The following VPS13B variants were observed in gnomAD, a reference collection of about 807,000 sequenced individuals.
The protein encoded by VPS13B is intermembrane lipid transfer protein VPS13B.
VPS13B carries 285 observed loss-of-function variants against 426.4 expected under a neutral mutation model. The ratio of observed to expected loss-of-function variants is 0.67; its 90% CI spans 0.61 to 0.74. VPS13B has a LOEUF of 0.74. Ranked by LOEUF, VPS13B falls within the 30% of genes least tolerant of loss-of-function variation. The pLI is 0.00. For missense variants in VPS13B, 4,537 were observed against 4,782.6 expected (o/e 0.95, Z 1.51); for synonymous variants, 1,676 against 1,676.4 (o/e 1.00, Z 0.01).
At chr8:99,515,329 A>G (rs2133648860) in intron 29 of VPS13B, among the ~76,000 whole-genome samples, 1 of 152,190 alleles carries the variant, frequency 6.6e-6, no homozygotes, top group South Asian at 2.1e-4. Flanking sequence ...AATTGCAGAA[A>G]TATTTCCAGA....
At chr8:99,715,760 T>C (rs1222436958) in intron 36 of VPS13B, among the ~76,000 whole-genome samples, 2 of 152,212 alleles carry the variant, frequency 1.3e-5, no homozygotes, top group Non-Finnish European at 2.9e-5. Context: ...ATAATTGTAC[T>C]GAATTAAGGC....
chr8:99,496,762 T>C (rs1423697943), intron 25 of VPS13B, among the ~76,000 whole-genome samples: 1 of 152,144 alleles, frequency 6.6e-6, no homozygotes, highest in East Asian at 1.9e-4. Context: ...ACAGGATACT[T>C]TCATAACCTG....
intron 31 of VPS13B, among the ~76,000 whole-genome samples, chr8:99,570,800 GT>G (rs1449113013): frequency 2.6e-5 from 4 of 151,960 alleles, no homozygotes; most frequent in African/African-American, 9.7e-5. Flanking sequence ...TTGAGGACAT[GT>G]TTTCTAGAGA....
intron 33 of VPS13B, among the ~76,000 whole-genome samples, chr8:99,641,286 A>G (rs1225364681): frequency 6.6e-6 from 1 of 152,176 alleles, no homozygotes; most frequent in African/African-American, 2.4e-5. Context: ...ATTTTAGTGT[A>G]CTTTTCTTTG....
chr8:99,226,562 T>C (rs1462640423), intron 17 of VPS13B, among the ~76,000 whole-genome samples: 2 of 152,198 alleles, frequency 1.3e-5, no homozygotes, highest in African/African-American at 4.8e-5. Flanking sequence ...TAAGTTATTT[T>C]CCTGCAAAAA....
At chr8:99,090,184 T>A (rs750519546) in intron 3 of VPS13B, among the ~76,000 whole-genome samples, 1 of 152,176 alleles carries the variant, frequency 6.6e-6, no homozygotes, top group Non-Finnish European at 1.5e-5. Context: ...TCCACTTTTC[T>A]TAAGAGAAGC....
At chr8:99,791,930 T>C (rs1191919165) in intron 43 of VPS13B, among the ~76,000 whole-genome samples, 2 of 152,012 alleles carry the variant, frequency 1.3e-5, no homozygotes, top group Admixed American at 1.3e-4. Flanking sequence ...AGCCTAGGCA[T>C]CCTAGGCTGC....
intron 19 of VPS13B, among the ~76,000 whole-genome samples, chr8:99,276,551 C>A (rs1366418561): frequency 6.6e-6 from 1 of 152,012 alleles, no homozygotes; most frequent in African/African-American, 2.4e-5. Flanking sequence ...GCTGTTTTAG[C>A]ACAAAAATAG....
intron 40 of VPS13B, among the ~76,000 whole-genome samples, chr8:99,771,572 A>C (rs1811492171): frequency 6.6e-6 from 1 of 152,228 alleles, no homozygotes; most frequent in Non-Finnish European, 1.5e-5. Context: ...GTGAATGTGA[A>C]GAAGAACTCC....
At chr8:99,178,333 A>C (rs921424673) in intron 16 of VPS13B, among the ~76,000 whole-genome samples, 9 of 139,068 alleles carry the variant, frequency 6.5e-5, no homozygotes, top group Non-Finnish European at 1.4e-4. Context: ...AGAACAAATA[A>C]TCATTGGCGG....
chr8:99,808,575 A>G (rs1202298334), intron 43 of VPS13B, among the ~76,000 whole-genome samples: 1 of 151,314 alleles, frequency 6.6e-6, no homozygotes, highest in Non-Finnish European at 1.5e-5. Flanking sequence ...CGTTGTTTTC[A>G]TTTAAACCTG....
intron 29 of VPS13B, among the ~76,000 whole-genome samples, chr8:99,516,665 G>A (rs1328690191): frequency 1.3e-5 from 2 of 151,640 alleles, no homozygotes; most frequent in African/African-American, 4.8e-5. Context: ...GCCCGGGCTT[G>A]TAGTCCCAGC....
At chr8:99,185,814 A>G (rs1563589804) in intron 16 of VPS13B, among the ~76,000 whole-genome samples, 1 of 151,670 alleles carries the variant, frequency 6.6e-6, no homozygotes, top group South Asian at 2.1e-4. Flanking sequence ...AGAAGAAGGA[A>G]TTTTTTTTTA....
At chr8:99,021,335 C>A (rs975942170) in intron 2 of VPS13B, among the ~76,000 whole-genome samples, 1 of 152,126 alleles carries the variant, frequency 6.6e-6, no homozygotes, top group Non-Finnish European at 1.5e-5. Flanking sequence ...GCCAAAGTCT[C>A]ACTGTGGCTG....
At chr8:99,464,110 A>G (rs570516789) in intron 23 of VPS13B, among the ~76,000 whole-genome samples, 1 of 152,312 alleles carries the variant, frequency 6.6e-6, no homozygotes, top group South Asian at 2.1e-4. Context: ...TACTCACAAT[A>G]GGTGGTAGAA....
intron 58 of VPS13B, among the ~76,000 whole-genome samples, chr8:99,863,535 C>T (rs895224046): frequency 6.6e-6 from 1 of 152,052 alleles, no homozygotes; most frequent in Non-Finnish European, 1.5e-5. Context: ...CTGTCTCCAC[C>T]CCAACCCCCG....
chr8:99,081,024 G>A (rs892945067), intron 3 of VPS13B, among the ~76,000 whole-genome samples: 4 of 152,068 alleles, frequency 2.6e-5, no homozygotes, highest in African/African-American at 7.2e-5. Context: ...TGCTTATTTC[G>A]TTTTTCATGA....
intron 19 of VPS13B, among the ~76,000 whole-genome samples, chr8:99,338,651 C>G (rs2133177910): frequency 6.6e-6 from 1 of 152,144 alleles, no homozygotes; most frequent in Non-Finnish European, 1.5e-5. Flanking sequence ...AAAACAATGT[C>G]AGATTATTTT....
intron 33 of VPS13B, among the ~76,000 whole-genome samples, chr8:99,625,415 G>A (rs571991839): frequency 6.6e-6 from 1 of 152,216 alleles, no homozygotes; most frequent in South Asian, 2.1e-4. Context: ...TAGAAAAGCA[G>A]TGGAGAAAAT....
Sources: gnomAD v4.1 joint callset for allele counts (sites outside exome capture counted in the v4.1 genomes callset) on GRCh38, gnomAD v4.1.1 for gene constraint, MANE v1.5 for transcripts, NCBI Gene and HGNC (gene_info 2026-07-23, HGNC 2026-07-21) for gene names.